The following CHRM3 variants were observed in gnomAD, a reference collection of about 807,000 sequenced individuals.
The protein encoded by CHRM3 is cholinergic receptor muscarinic 3, also known as muscarinic acetylcholine receptor M3.
Under a neutral mutation model 41.8 loss-of-function variants are expected in CHRM3, and 11 were observed. The observed-to-expected ratio is 0.26, with a 90% CI of 0.17 to 0.44. CHRM3 has a LOEUF of 0.44. CHRM3 is among the 20% of genes least tolerant of loss of function. The pLI is 1.00. For missense variants in CHRM3, 571 were observed against 745.4 expected (o/e 0.77, Z 2.72); for synonymous variants, 297 against 301.4 (o/e 0.99, Z 0.15).
chr1:239,407,883 A>T (rs1324546228), intron 1 of CHRM3, among the ~76,000 whole-genome samples: 1 of 152,228 alleles, frequency 6.6e-6, no homozygotes, highest in East Asian at 1.9e-4. Flanking sequence ...ATAAAGTGGA[A>T]GAGGAAGATG....
At chr1:239,422,809 AC>A (rs1367717623) in intron 1 of CHRM3, among the ~76,000 whole-genome samples, 1 of 145,392 alleles carries the variant, frequency 6.9e-6, no homozygotes, top group African/African-American at 2.8e-5. Context: ...AAAAACAAAA[AC>A]AAAAACAAAA....
At chr1:239,701,262 C>T (rs986975988) in intron 5 of CHRM3, among the ~76,000 whole-genome samples, 6 of 152,182 alleles carry the variant, frequency 3.9e-5, no homozygotes, top group African/African-American at 1.2e-4. Flanking sequence ...TTTTGGTCCT[C>T]GTTCTACCAG....
chr1:239,506,122 G>A (rs1243317187), intron 2 of CHRM3, among the ~76,000 whole-genome samples: 2 of 152,098 alleles, frequency 1.3e-5, no homozygotes, highest in Non-Finnish European at 2.9e-5. Context: ...CTGCAGCCTG[G>A]CAATGAGATA....
intron 1 of CHRM3, among the ~76,000 whole-genome samples, chr1:239,395,622 G>T (rs1476155312): frequency 6.6e-6 from 1 of 152,124 alleles, no homozygotes; most frequent in Non-Finnish European, 1.5e-5. Context: ...TTGATAAAAT[G>T]CAGACTCTGA....
chr1:239,599,625 C>G lies in CHRM3; in HGVS notation c.-312-32599C>G, dbSNP rs569805828. Among the ~76,000 whole-genome samples, 8 of 152,218 alleles carry G rather than the reference C, an allele frequency of 5.3e-5. No individual in the cohort carries two copies. The East Asian group carries it at 1.5e-3, about 29-fold the overall frequency. ...CCATGGGGCTATGTCCTGAAAAACC[C>G]ATTGTACAAGGAAAATATGATAAGT... On this transcript the variant is annotated intron_variant, in intron 3 of 6. Transcript: ENST00000676153.
intron 6 of CHRM3, among the ~76,000 whole-genome samples, chr1:239,847,362 A>C (rs1033750633): frequency 3.3e-5 from 5 of 152,218 alleles, no homozygotes; most frequent in African/African-American, 1.2e-4. Context: ...AATCTATGCC[A>C]TATCTTAGAA....
intron 5 of CHRM3, among the ~76,000 whole-genome samples, chr1:239,772,696 A>T (rs1667788985): frequency 6.6e-6 from 1 of 151,744 alleles, no homozygotes; most frequent in Non-Finnish European, 1.5e-5. Flanking sequence ...CTCCTACCCC[A>T]CTGTACATGA....
intron 5 of CHRM3, among the ~76,000 whole-genome samples, chr1:239,779,429 A>AT (rs1668346341): frequency 1.3e-5 from 2 of 152,242 alleles, no homozygotes; most frequent in Admixed American, 1.3e-4. Context: ...CCATTATAGT[A>AT]TCATACAGAA....
At chr1:239,863,882 G>C (rs866631933) in intron 6 of CHRM3, among the ~76,000 whole-genome samples, 1 of 152,112 alleles carries the variant, frequency 6.6e-6, no homozygotes, top group Non-Finnish European at 1.5e-5. Context: ...AACAGTAACA[G>C]ACACGATGCA....
At chr1:239,733,459 A>T (rs1398535988) in intron 5 of CHRM3, among the ~76,000 whole-genome samples, 2 of 152,096 alleles carry the variant, frequency 1.3e-5, no homozygotes, top group Non-Finnish European at 2.9e-5. Context: ...CTGTAGATAT[A>T]TACCTGACAT....
intron 1 of CHRM3, among the ~76,000 whole-genome samples, chr1:239,400,054 G>T (rs542916832): frequency 1.8e-4 from 27 of 152,236 alleles, no homozygotes; most frequent in African/African-American, 6.3e-4. Flanking sequence ...TGGGATTACA[G>T]GTGCCTGCCA....
intron 5 of CHRM3, among the ~76,000 whole-genome samples, chr1:239,757,365 A>T (rs1666324695): frequency 6.6e-6 from 1 of 152,080 alleles, no homozygotes; most frequent in Non-Finnish European, 1.5e-5. Context: ...ACATCCTCTC[A>T]CGCCTGTAAT....
At chr1:239,643,362 C>T (rs1215120888) in intron 4 of CHRM3, among the ~76,000 whole-genome samples, 1 of 152,212 alleles carries the variant, frequency 6.6e-6, no homozygotes, top group Non-Finnish European at 1.5e-5. Flanking sequence ...CTGTGCCCTG[C>T]CCCCAGAGGT....
chr1:239,774,657 C>T lies in CHRM3; in HGVS notation c.-146-52595C>T, dbSNP rs183666416. On this transcript the variant is annotated intron_variant, in intron 5 of 6. Transcript: ENST00000676153. Reference sequence around the variant, plus strand: ...TTCAGAATAATGTTAGCCATCCTTTCCTTCTGGCAGCTTTCTCCAAAACCT... The same window carrying T: ...TTCAGAATAATGTTAGCCATCCTTTTCTTCTGGCAGCTTTCTCCAAAACCT... Among the ~76,000 whole-genome samples the T allele has an allele frequency of 2.5e-4, 38 of 152,270 alleles. 1 individual carries two copies. The East Asian group carries it at 3.5e-3, about 14-fold the overall frequency.
intron 3 of CHRM3, among the ~76,000 whole-genome samples, chr1:239,599,992 G>A (rs903261710): frequency 6.6e-6 from 1 of 152,104 alleles, no homozygotes; most frequent in South Asian, 2.1e-4. Context: ...AAATGCACAT[G>A]TAAGAACTGA....
chr1:239,867,255 T>A (rs890965945), intron 6 of CHRM3, among the ~76,000 whole-genome samples: 1 of 152,272 alleles, frequency 6.6e-6, no homozygotes, highest in Admixed American at 6.5e-5. Flanking sequence ...AAGATTGTGC[T>A]GAGGACGGCG....
chr1:239,587,649 G>A (rs1442203472), intron 3 of CHRM3, among the ~76,000 whole-genome samples: 2 of 152,126 alleles, frequency 1.3e-5, no homozygotes, highest in South Asian at 2.1e-4. Context: ...ATGTTTCAGA[G>A]TATCTACCTA....
intron 4 of CHRM3, among the ~76,000 whole-genome samples, chr1:239,634,180 A>G (rs868151726): frequency 3.9e-5 from 6 of 152,140 alleles, no homozygotes; most frequent in East Asian, 1.9e-4. Flanking sequence ...AGCCTGTGCT[A>G]TTGCTGATTA....
At chr1:239,700,150 C>T (rs1405421122) in intron 5 of CHRM3, among the ~76,000 whole-genome samples, 2 of 152,130 alleles carry the variant, frequency 1.3e-5, no homozygotes, top group African/African-American at 4.8e-5. Context: ...ACTCTTTGCT[C>T]ATCAACTTGT....
Sources: gnomAD v4.1 joint callset for allele counts (sites outside exome capture counted in the v4.1 genomes callset) on GRCh38, gnomAD v4.1.1 for gene constraint, MANE v1.5 for transcripts, NCBI Gene and HGNC (gene_info 2026-07-23, HGNC 2026-07-21) for gene names.